Variants in CDNF observed in about 807,000 individuals in gnomAD.
CDNF encodes ARMET-like protein 1.
Under a neutral mutation model 14.8 loss-of-function variants are expected in CDNF, and 9 were observed. The observed-to-expected ratio is 0.61, with a 90% CI of 0.37 to 1.06. CDNF has a LOEUF of 1.06. Ranked by LOEUF, CDNF falls within the 50% of genes least tolerant of loss-of-function variation. The pLI is 0.01. For missense variants in CDNF, 228 were observed against 228.4 expected, an observed-to-expected ratio of 1.00 and a Z score of 0.01; for synonymous variants, 86 against 87.2, an observed-to-expected ratio of 0.99 and a Z score of 0.07.
intron 2 of CDNF, among the ~76,000 whole-genome samples, chr10:14,827,665 G>A (rs1350184853): frequency 1.3e-5 from 2 of 152,064 alleles, no homozygotes; most frequent in Non-Finnish European, 2.9e-5. Context: ...GGCTGAGGTG[G>A]GTGGATCACC....
intron 1 of CDNF, among the ~76,000 whole-genome samples, chr10:14,830,118 C>CTAGT (rs1833832928): frequency 6.6e-6 from 1 of 152,188 alleles, no homozygotes. Context: ...GGACTAAGGG[C>CTAGT]AACTAGCCAG....
chr10:14,831,825 C>T (rs554218624), intron 1 of CDNF, among the ~76,000 whole-genome samples: 3 of 152,262 alleles, frequency 2.0e-5, no homozygotes, highest in East Asian at 1.9e-4. Flanking sequence ...CTGCCCACCT[C>T]GGCTTCCCAA....
At chr10:14,822,796 C>T (rs139958145) in intron 3 of CDNF, among the ~76,000 whole-genome samples, 16 of 152,254 alleles carry the variant, frequency 1.1e-4, no homozygotes, top group South Asian at 8.3e-4. Flanking sequence ...CAAAACCTTC[C>T]GGTAACTCTG....
intron 3 of CDNF, among the ~76,000 whole-genome samples, chr10:14,822,484 G>A (rs546037937): frequency 2.0e-4 from 30 of 152,140 alleles, no homozygotes; most frequent in Non-Finnish European, 4.0e-4. Flanking sequence ...GCTGAGGCAG[G>A]AGAATCTCTT....
intron 1 of CDNF, among the ~76,000 whole-genome samples, chr10:14,836,514 T>G (rs970274811): frequency 6.6e-6 from 1 of 152,252 alleles, no homozygotes; most frequent in African/African-American, 2.4e-5. Context: ...TAGCATGGTT[T>G]GGAGCAAAAT....
chr10:14,828,357 G>A, intron 1 of CDNF, 85 bp from the exon 2 acceptor site: 1 of 1,343,450 alleles, frequency 7.4e-7, no homozygotes, highest in Non-Finnish European at 1.0e-6. Flanking sequence ...ACATTTAAAA[G>A]TCTATATGGG....
Position 14,820,169 on chromosome 10 carries a change from A to C in CDNF, c.386-11T>G, listed in dbSNP as rs1473752324. 1 of 1,606,054 alleles carries C rather than the reference A, an allele frequency of 6.2e-7. No homozygotes were observed. The highest frequency in any genetic ancestry group is 8.5e-7 in the Non-Finnish European group (1 of 1,177,836). The stretch of plus-strand genomic sequence containing the variant: ...AGTCCAGTGTTTTTTCTAAATGGCA[A>C]AAAGGAAAAAAGCCAATTACAAAAT... On this transcript the variant is annotated splice_polypyrimidine_tract_variant and intron_variant, in intron 3 of 3. Coordinates refer to ENST00000465530, the MANE Select transcript of CDNF (RefSeq NM_001029954.3).
chr10:14,825,435 G>A, intron 3 of CDNF, 44 bp downstream of exon 3: 1 of 1,575,802 alleles, frequency 6.3e-7, no homozygotes, highest in Non-Finnish European at 8.6e-7. Flanking sequence ...AGAGGTTTGG[G>A]AATCCATTGG....
At position 14,828,262 on chromosome 10, in the gene CDNF, T is replaced by C. The variant is rs137976027; in HGVS notation, c.126A>G (p.Glu42=). 169 of 1,613,698 alleles carry C rather than the reference T, an allele frequency of 1.0e-4. No individual in the cohort carries two copies. The highest frequency in any genetic ancestry group is 1.3e-4 in the Non-Finnish European group (153 of 1,179,806). Residue 42 remains glutamate (E), a synonymous_variant, in exon 2 of 4, where the codon GAA becomes GAG. Transcript: ENST00000465530. The part of the protein sequence containing the change: ...RPGADCEVCK[E]FLNRFYKSLI... ...GTGACTTGTAGAATCGGTTCAAGAA[T>C]TCTTTACATACTGGAAGGAACAAAT...
intron 1 of CDNF, among the ~76,000 whole-genome samples, chr10:14,832,955 A>C (rs988034164): frequency 5.1e-5 from 7 of 138,216 alleles, no homozygotes; most frequent in Non-Finnish European, 9.0e-5. Flanking sequence ...CAACTCCTGG[A>C]TTGAAGTGAT....
At chr10:14,827,899 GA>G (rs1347860512) in intron 2 of CDNF, among the ~76,000 whole-genome samples, 1 of 151,722 alleles carries the variant, frequency 6.6e-6, no homozygotes, top group Non-Finnish European at 1.5e-5. Flanking sequence ...CTCAGAAAAA[GA>G]AAAAAGAAAA....
chr10:14,835,811 G>A (rs1384913730), intron 1 of CDNF, among the ~76,000 whole-genome samples: 1 of 152,124 alleles, frequency 6.6e-6, no homozygotes, highest in Non-Finnish European at 1.5e-5. Flanking sequence ...GGCCAGGCAA[G>A]GAAAAAGAAG....
rs191859669 is a variant in CDNF at position 14,827,237 on chromosome 10, T to C, written c.243+908A>G. 2.0e-5 allele frequency among the ~76,000 whole-genome samples: 3 copies of C among 151,594 alleles called. No homozygotes were observed. In the South Asian group the frequency reaches 6.3e-4, roughly 32 times the overall value. Reference sequence around the variant, plus strand: ...AGAGGGAGACCCTGTCTCAAAAAAATATAGATAGATAGACCTTAATGATAC... The same window carrying C: ...AGAGGGAGACCCTGTCTCAAAAAAACATAGATAGATAGACCTTAATGATAC... On this transcript the variant is annotated intron_variant, in intron 2 of 3. Coordinates refer to ENST00000465530, the MANE Select transcript of CDNF (RefSeq NM_001029954.3).
At chr10:14,826,096 A>AGAAGAAGAAGAAGAG (rs1317713477) in intron 2 of CDNF, among the ~76,000 whole-genome samples, 1 of 100,482 alleles carries the variant, frequency 1.0e-5, no homozygotes, top group African/African-American at 4.8e-5. Context: ...AAGAAGAAGA[A>AGAAGAAGAAGAAGAG]GCAGCAGCAG....
chr10:14,823,301 T>C (rs777921872), intron 3 of CDNF, among the ~76,000 whole-genome samples: 7 of 152,154 alleles, frequency 4.6e-5, no homozygotes, highest in Non-Finnish European at 1.0e-4. Context: ...AACTCCAAAG[T>C]AAAGGTCCAC....
intron 1 of CDNF, among the ~76,000 whole-genome samples, chr10:14,835,294 G>A (rs1421816553): frequency 6.6e-6 from 1 of 152,166 alleles, no homozygotes; most frequent in African/African-American, 2.4e-5. Context: ...GAAGAGAGAA[G>A]AGAAGAGAGC....
At chr10:14,823,388 C>T (rs1157433823) in intron 3 of CDNF, among the ~76,000 whole-genome samples, 2 of 152,090 alleles carry the variant, frequency 1.3e-5, no homozygotes, top group Non-Finnish European at 2.9e-5. Context: ...GTAGTCATTT[C>T]GTCTCAATAA....
At chr10:14,826,028 GGAGAAGA>G (rs1833778941) in intron 2 of CDNF, among the ~76,000 whole-genome samples, 2 of 107,182 alleles carry the variant, frequency 1.9e-5, no homozygotes, top group African/African-American at 4.9e-5. Flanking sequence ...AGAAGAAGAA[GGAGAAGA>G]AGAAGAAGAA....
chr10:14,826,476 G>A (rs1833796571), intron 2 of CDNF, among the ~76,000 whole-genome samples: 1 of 134,014 alleles, frequency 7.5e-6, no homozygotes, highest in African/African-American at 3.4e-5. Context: ...AGCAGAAGAA[G>A]AAGAAAAAGA....
Sources: gnomAD v4.1 joint callset for allele counts (sites outside exome capture counted in the v4.1 genomes callset) on GRCh38, gnomAD v4.1.1 for gene constraint, MANE v1.5 for transcripts, NCBI Gene and HGNC (gene_info 2026-07-23, HGNC 2026-07-21) for gene names.